Variants in IWS1 observed in about 807,000 individuals in gnomAD.
The protein encoded by IWS1 is protein IWS1 homolog.
A neutral mutation model predicts 86.7 loss-of-function variants in IWS1; 27 were observed. The ratio of observed to expected loss-of-function variants is 0.31; its 90% CI spans 0.23 to 0.43. IWS1 has a LOEUF of 0.43. IWS1 is among the 20% of genes least tolerant of loss of function. The probability of loss-of-function intolerance (pLI) is 1.00; values close to 1 mark genes in which losing one functional copy is unlikely to be tolerated. For synonymous variants in IWS1, 313 were observed against 335.1 expected (o/e 0.93, Z 0.72); for missense variants, 827 against 1,000.8 (o/e 0.83, Z 2.34).
intron 10 of IWS1, among the ~76,000 whole-genome samples, chr2:127,490,147 T>C (rs1346544231): frequency 3.9e-5 from 6 of 152,366 alleles, no homozygotes; most frequent in Non-Finnish European, 7.3e-5. Flanking sequence ...GAAAATTTAA[T>C]GTAAAAGATC....
At chr2:127,510,659 A>ATT (rs1225878539) in intron 2 of IWS1, among the ~76,000 whole-genome samples, 5 of 144,756 alleles carry the variant, frequency 3.5e-5, no homozygotes, top group Non-Finnish European at 4.6e-5. Context: ...CGTCCGGATA[A>ATT]TTTTTTTTTT....
chr2:127,491,746 T>G (rs1558743960), intron 10 of IWS1, among the ~76,000 whole-genome samples: 1 of 152,074 alleles, frequency 6.6e-6, no homozygotes, highest in Non-Finnish European at 1.5e-5. Flanking sequence ...ACCCAGCCTC[T>G]TACTTGCTAT....
Position 127,523,590 on chromosome 2 carries a change from CACAGAGATTCTGTAACTCCTATAATATA to C in IWS1, c.150+58_150+85del. 5.8e-6 allele frequency: 5 copies of C among 864,998 alleles called. No individual in the cohort carries two copies. The South Asian group carries it at 8.3e-5, about 14-fold the overall frequency. 53.6% of individuals were successfully genotyped at this position (864,998 alleles called of 1,614,324 possible). Reference sequence around the variant, plus strand: ...TCAGAGATTAAACCCTAAACTCTGTCACAGAGATTCTGTAACTCCTATAATATAACAGATCTCACAGAACGCAAGGGAA... The same window carrying C: ...TCAGAGATTAAACCCTAAACTCTGTCACAGATCTCACAGAACGCAAGGGAA... On this transcript the variant is annotated intron_variant, in intron 2 of 13. Transcript: ENST00000295321.
At chr2:127,523,637 A>C (rs1269485507) in intron 2 of IWS1, 39 bp downstream of exon 2, 2 of 1,345,990 alleles carry the variant, frequency 1.5e-6, no homozygotes, top group East Asian at 4.6e-5. Flanking sequence ...CACAGAACGC[A>C]AGGGAAAAGC....
chr2:127,495,102 G>A (rs1057209120), intron 7 of IWS1, 148 bp from the exon 8 acceptor site: 1 of 554,916 alleles, frequency 1.8e-6, no homozygotes, highest in African/African-American at 1.9e-5. Context: ...ATCTTCTGCA[G>A]AGCACCAAGC....
chr2:127,513,461 TA>T (rs1691582282), intron 2 of IWS1, among the ~76,000 whole-genome samples: 1 of 152,206 alleles, frequency 6.6e-6, no homozygotes, highest in Non-Finnish European at 1.5e-5. Flanking sequence ...TTTAAGAAAC[TA>T]TCTTTCCATG....
intron 2 of IWS1, among the ~76,000 whole-genome samples, chr2:127,515,529 T>G (rs564955648): frequency 6.6e-6 from 1 of 152,116 alleles, no homozygotes; most frequent in East Asian, 1.9e-4. Context: ...ATAGGTCCCT[T>G]TGGGATTTAA....
At chr2:127,512,692 A>G (rs1691536542) in intron 2 of IWS1, among the ~76,000 whole-genome samples, 1 of 152,172 alleles carries the variant, frequency 6.6e-6, no homozygotes, top group African/African-American at 2.4e-5. Flanking sequence ...TATCTTGGCT[A>G]CTAAGCCCAT....
At chr2:127,496,712 C>G (rs568587703) in intron 6 of IWS1, among the ~76,000 whole-genome samples, 1 of 152,168 alleles carries the variant, frequency 6.6e-6, no homozygotes, top group Admixed American at 6.5e-5. Context: ...GTTGAGACTA[C>G]AGGCCCACAC....
At chr2:127,521,127 C>A (rs1692071936) in intron 2 of IWS1, among the ~76,000 whole-genome samples, 1 of 152,182 alleles carries the variant, frequency 6.6e-6, no homozygotes. Context: ...TGGTAGCGCA[C>A]TGTAATCCCA....
chr2:127,493,893 G>T (rs558709307), intron 8 of IWS1, among the ~76,000 whole-genome samples: 62 of 150,732 alleles, frequency 4.1e-4, no homozygotes, highest in South Asian at 8.4e-4. Context: ...TTATGTACTG[G>T]AATCAGTTAT....
chr2:127,526,407 G>A lies in IWS1; in HGVS notation c.-199C>T. On this transcript the variant is annotated 5_prime_UTR_variant, in exon 1 of 14. The change creates a new upstream start codon in the 5' untranslated region. Coordinates refer to ENST00000295321, the MANE Select transcript of IWS1 (RefSeq NM_017969.3). ...CCTGGAAGCCCCGGCGGAAAAGGCCGTACCCGGCAGGCTGGCGGGCGGGCA... is the reference window on the plus strand; with the variant it reads ...CCTGGAAGCCCCGGCGGAAAAGGCCATACCCGGCAGGCTGGCGGGCGGGCA... 3 of 1,535,984 alleles carry A rather than the reference G, an allele frequency of 2.0e-6. No homozygotes were observed. The highest frequency in any genetic ancestry group is 1.2e-5 in the South Asian group (1 of 83,214).
At chr2:127,488,266 A>G (rs1690041145) in intron 12 of IWS1, 1 of 152,194 alleles carries the variant, frequency 6.6e-6, no homozygotes, top group African/African-American at 2.4e-5. Context: ...AGAACCATCA[A>G]ATCTAGGTCT....
Position 127,526,342 on chromosome 2 carries a change from G to C in IWS1, c.-134C>G, listed in dbSNP as rs1017856823. ...CCGACCGGAGAACTTAACGGGTGCG[G>C]AGGGTAAGAAAGCGGTAGCGGCAAA... On this transcript the variant is annotated 5_prime_UTR_variant, in exon 1 of 14. Transcript: ENST00000295321. The C allele has an allele frequency of 6.5e-6, 10 of 1,538,336 alleles. No individual in the cohort carries two copies. In the Admixed American group the frequency reaches 1.8e-4, roughly 27 times the overall value.
intron 1 of IWS1, among the ~76,000 whole-genome samples, chr2:127,525,267 G>A (rs1036567739): frequency 1.3e-5 from 2 of 152,144 alleles, no homozygotes; most frequent in Non-Finnish European, 2.9e-5. Flanking sequence ...GCTTAGGAAA[G>A]TGTTTTTAAG....
intron 2 of IWS1, among the ~76,000 whole-genome samples, chr2:127,513,551 TA>T (rs1392148525): frequency 6.6e-6 from 1 of 151,730 alleles, no homozygotes; most frequent in Non-Finnish European, 1.5e-5. Flanking sequence ...AATATAAAGA[TA>T]AAAACAGAAA....
intron 2 of IWS1, among the ~76,000 whole-genome samples, chr2:127,515,543 G>A (rs1691723161): frequency 6.6e-6 from 1 of 152,142 alleles, no homozygotes; most frequent in African/African-American, 2.4e-5. Flanking sequence ...GATTTAAACT[G>A]GGGAATATGC....
intron 13 of IWS1, among the ~76,000 whole-genome samples, chr2:127,483,623 TGCGTGTGC>T (rs1326945433): frequency 1.1e-4 from 1 of 9,460 alleles, no homozygotes; most frequent in African/African-American, 2.1e-4. Flanking sequence ...TGTGTGTGTG[TGCGTGTGC>T]GTGTGTGTGT....
At chr2:127,483,583 T>TGGG (rs1407597392) in intron 13 of IWS1, among the ~76,000 whole-genome samples, 3 of 20,624 alleles carry the variant, frequency 1.5e-4, no homozygotes, top group South Asian at 1.9e-3. Flanking sequence ...GGGCGGGGGG[T>TGGG]GGTGGGGTGG....
Sources: allele counts gnomAD v4.1 joint callset (sites outside exome capture counted in the v4.1 genomes callset), GRCh38; gene constraint gnomAD v4.1.1; transcripts MANE v1.5; gene names NCBI Gene and HGNC (gene_info 2026-07-23, HGNC 2026-07-21).